The following TTC17 variants were observed in gnomAD, a reference collection of about 807,000 sequenced individuals.
TTC17 encodes the protein tetratricopeptide repeat protein 17.
Under a neutral mutation model 143.8 loss-of-function variants are expected in TTC17, and 58 were observed. That is an observed-to-expected ratio of 0.40 (90% CI 0.33 to 0.50). TTC17 has a LOEUF of 0.50. Among genes scored for constraint, TTC17 ranks in the 20% least tolerant of loss-of-function variants. The pLI is 0.49. For missense variants in TTC17, 1,273 were observed against 1,392.5 expected (o/e 0.91, Z 1.37); for synonymous variants, 501 against 497.8 (o/e 1.01, Z -0.09).
At position 43,481,115 on chromosome 11, in the gene TTC17, A is replaced by G. The variant is rs1948278793; in HGVS notation, c.3031-9124A>G. On this transcript the variant is annotated intron_variant, in intron 21 of 23. Transcript: ENST00000039989. ...AAACATATATTTCAAAACAATAATT[A>G]TTAGGAGTAGAGAGAATGACTACAT... Among the ~76,000 whole-genome samples the G allele has an allele frequency of 2.6e-5, 4 of 152,212 alleles. No homozygotes were observed. In the South Asian group the frequency reaches 8.3e-4, roughly 31 times the overall value.
chr11:43,443,455 A>C lies in TTC17; in HGVS notation c.2382A>C (p.Ala794=), dbSNP rs1309184246. The part of the protein sequence containing the change: ...QAWPLEGFGG[A]LEMKGRRLDL... The stretch of plus-strand genomic sequence containing the variant: ...GGCCTTTGGAAGGCTTTGGGGGTGC[A>C]CTAGAGATGAAAGGGCGGCGTCTAG... The change falls in exon 17 of 24, where the codon GCA becomes GCC. Residue 794 remains alanine (A), a synonymous_variant. Coordinates refer to ENST00000039989, the MANE Select transcript of TTC17 (RefSeq NM_018259.6). The C allele has an allele frequency of 1.2e-6, 2 of 1,614,168 alleles. No individual in the cohort carries two copies. Among genetic ancestry groups the C allele is most frequent in the Non-Finnish European group, 1.7e-6 (2 of 1,180,012 alleles).
chr11:43,360,828 CTT>C (rs535095995), intron 1 of TTC17, among the ~76,000 whole-genome samples: 4 of 151,886 alleles, frequency 2.6e-5, no homozygotes, highest in Non-Finnish European at 5.9e-5. Flanking sequence ...GCTGAAGAAT[CTT>C]TTGGATCTCT....
chr11:43,450,383 G>A, intron 20 of TTC17, 142 bp downstream of exon 20: 1 of 947,856 alleles, frequency 1.1e-6, no homozygotes, highest in Non-Finnish European at 1.5e-6. Context: ...GGTGGGTTTG[G>A]GCCAAGCCTG....
chr11:43,490,796 C>A (rs1394295995), intron 22 of TTC17: 1 of 139,126 alleles, frequency 7.2e-6, no homozygotes, highest in African/African-American at 2.7e-5. Flanking sequence ...AAGCAAATTT[C>A]CATTTATTCA....
intron 2 of TTC17, among the ~76,000 whole-genome samples, chr11:43,383,108 G>A (rs1857035811): frequency 6.6e-6 from 1 of 151,948 alleles, no homozygotes; most frequent in South Asian, 2.1e-4. Flanking sequence ...TGTTGCCTAG[G>A]CTGGTTTCAA....
chr11:43,493,291 C>G (rs1303297647), intron 23 of TTC17, among the ~76,000 whole-genome samples: 1 of 152,090 alleles, frequency 6.6e-6, no homozygotes, highest in African/African-American at 2.4e-5. Context: ...TGTACAAGTC[C>G]AGTTGAGATA....
chr11:43,403,333 C>T (rs2134577867), intron 10 of TTC17, among the ~76,000 whole-genome samples: 1 of 152,304 alleles, frequency 6.6e-6, no homozygotes, highest in South Asian at 2.1e-4. Flanking sequence ...ACAAATTCGT[C>T]ATATTCATTC....
chr11:43,379,980 A>C (rs1856904225), intron 2 of TTC17, among the ~76,000 whole-genome samples: 1 of 152,168 alleles, frequency 6.6e-6, no homozygotes, highest in African/African-American at 2.4e-5. Flanking sequence ...TACAGTGTAA[A>C]TTGAATCTAA....
rs117227466 is a variant in TTC17 at position 43,393,881 on chromosome 11, G to A, written c.663+1929G>A. The stretch of plus-strand genomic sequence containing the variant: ...ATAGTCTGGAGGCTGGGAAGTCTAA[G>A]ATCAAGGTCCCAGTGATTTGGTTCC... On this transcript the variant is annotated intron_variant, in intron 5 of 23. Coordinates refer to ENST00000039989, the MANE Select transcript of TTC17 (RefSeq NM_018259.6). Among the ~76,000 whole-genome samples the A allele has an allele frequency of 6.7e-4, 102 of 152,354 alleles. 1 individual carries two copies. The East Asian group carries it at 0.018, about 27-fold the overall frequency.
At position 43,494,019 on chromosome 11, in the gene TTC17, C is replaced by G; in HGVS notation, c.*115C>G. 7.3e-7 allele frequency: 1 copy of G among 1,361,680 alleles called. No homozygotes were observed. The highest frequency in any genetic ancestry group is 2.0e-4 in the Middle Eastern group (1 of 5,116). The allele number at this position is 1,361,680 out of a possible 1,614,324, so 84.3% of individuals were successfully genotyped here. On this transcript the variant is annotated 3_prime_UTR_variant, in exon 24 of 24. Coordinates refer to ENST00000039989, the MANE Select transcript of TTC17 (RefSeq NM_018259.6). ...ATGATGTGTGTGAAAATAACTAAGA[C>G]TTATAACAGGACTTTTACATATGTG...
Position 43,450,121 on chromosome 11 carries a change from G to C in TTC17, c.2826G>C (p.Gln942His). Residue 942 changes from glutamine to histidine, a missense_variant, in exon 20 of 24, where the codon CAG becomes CAC. Gln to His is a conservative substitution (Grantham distance 24). This residue lies in a region of TTC17 where 878 missense variants were observed against 899.8 expected (regional missense o/e 0.98). Transcript: ENST00000039989. ...TAGATTTTGCCACCCCTATACAGCA[G>C]CCAGCAATGGAGCCTCTTTGCAATG... is the stretch of plus-strand genomic sequence containing the variant. Reference protein sequence around the residue: ...EHIDFATPIQQPAMEPLCNGN... With the variant: ...EHIDFATPIQHPAMEPLCNGN... The C allele has an allele frequency of 6.2e-7, 1 of 1,614,126 alleles. No individual in the cohort carries two copies. The highest frequency in any genetic ancestry group is 1.1e-5 in the South Asian group (1 of 91,078).
intron 1 of TTC17, among the ~76,000 whole-genome samples, chr11:43,375,900 C>T (rs1260488719): frequency 6.6e-6 from 1 of 152,052 alleles, no homozygotes; most frequent in Non-Finnish European, 1.5e-5. Flanking sequence ...TCCATGTTAC[C>T]ATGTGAACTT....
chr11:43,361,869 C>T (rs184634564), intron 1 of TTC17, among the ~76,000 whole-genome samples: 1 of 151,990 alleles, frequency 6.6e-6, no homozygotes, highest in African/African-American at 2.4e-5. Flanking sequence ...TTTTGAGAAC[C>T]TTTAATATTA....
chr11:43,427,707 T>C (rs984182595), intron 16 of TTC17, among the ~76,000 whole-genome samples: 4 of 152,202 alleles, frequency 2.6e-5, no homozygotes, highest in African/African-American at 9.6e-5. Context: ...GCCTCTCCTT[T>C]GGCTCCTGTG....
intron 16 of TTC17, among the ~76,000 whole-genome samples, chr11:43,424,748 C>T (rs1253949176): frequency 2.0e-5 from 3 of 151,918 alleles, no homozygotes; most frequent in Non-Finnish European, 1.5e-5. Context: ...CCAGCCTGGG[C>T]AAGAGAGACT....
chr11:43,361,157 A>AC (rs1856088284), intron 1 of TTC17, among the ~76,000 whole-genome samples: 1 of 152,156 alleles, frequency 6.6e-6, no homozygotes. Flanking sequence ...ATTGTGCATG[A>AC]CCCATGCTTC....
intron 10 of TTC17, among the ~76,000 whole-genome samples, chr11:43,403,240 A>G (rs1351396057): frequency 6.6e-6 from 1 of 152,176 alleles, no homozygotes; most frequent in Non-Finnish European, 1.5e-5. Flanking sequence ...GAAGGAGTGT[A>G]GCTTCCAATA....
chr11:43,409,219 A>G (rs775061105), intron 15 of TTC17, among the ~76,000 whole-genome samples: 7 of 152,210 alleles, frequency 4.6e-5, no homozygotes, highest in East Asian at 1.9e-4. Context: ...TAAAGGACCA[A>G]TGAATTGATA....
At chr11:43,397,901 CGT>C (rs368934799) in intron 7 of TTC17, 71 bp from the exon 8 acceptor site, 64,549 of 1,229,870 alleles carry the variant, frequency 0.052, 932 homozygotes, top group East Asian at 0.074. Flanking sequence ...TTTTTTTTTC[CGT>C]GTGTGTGTGT....
Sources: gnomAD v4.1 joint callset for allele counts (sites outside exome capture counted in the v4.1 genomes callset) on GRCh38, gnomAD v4.1.1 for gene constraint, gnomAD v4.1.1 regional missense constraint, MANE v1.5 for transcripts, NCBI Gene and HGNC (gene_info 2026-07-23, HGNC 2026-07-21) for gene names.